PTPRN: variants seen among roughly 807,000 people sequenced by gnomAD.
PTPRN encodes receptor-type tyrosine-protein phosphatase-like N.
A neutral mutation model predicts 108.5 loss-of-function variants in PTPRN; 70 were observed. The observed-to-expected ratio is 0.65, with a 90% CI of 0.53 to 0.79. PTPRN has a LOEUF of 0.79. Ranked by LOEUF, PTPRN falls within the 30% of genes least tolerant of loss-of-function variation. The probability of loss-of-function intolerance (pLI) is 0.00; values close to 1 mark genes in which losing one functional copy is unlikely to be tolerated. For synonymous variants in PTPRN, 496 were observed against 524.6 expected (o/e 0.95, Z 0.75); for missense variants, 1,136 against 1,295.5 (o/e 0.88, Z 1.89).
In PTPRN at chr2:219,297,145, C is replaced by T. The variant is rs1300407011; in HGVS notation, c.2089-13G>A. 6.2e-7 allele frequency: 1 copy of T among 1,613,392 alleles called. No homozygotes were observed. Among genetic ancestry groups the T allele is most frequent in the African/African-American group, 1.3e-5 (1 of 74,962 alleles). ...CCTCCATGTATGCCTGTGGGGGCAC[C>T]ACGGTCTGGCTCTGGCCCACACAGC... On this transcript the variant is annotated splice_polypyrimidine_tract_variant and intron_variant, in intron 14 of 22. Coordinates refer to ENST00000295718, the MANE Select transcript of PTPRN (RefSeq NM_002846.4). This position sits in a 1 kb window ranked among gnomAD's most constrained non-coding sequence, Gnocchi z 6.0.
At position 219,296,133 on chromosome 2, in the gene PTPRN, G is replaced by A. The variant is rs1952188194; in HGVS notation, c.2508+93C>T. On this transcript the variant is annotated intron_variant, in intron 18 of 22. Coordinates refer to ENST00000295718, the MANE Select transcript of PTPRN (RefSeq NM_002846.4). This position sits in a 1 kb window ranked among gnomAD's most constrained non-coding sequence, Gnocchi z 6.0. ...CAATAAAAGCCTTTTTAAAAAGACT[G>A]TTGAGTGCTCATTTGGTGAAGAAAA... The A allele has an allele frequency of 6.4e-7, 1 of 1,567,132 alleles. No individual in the cohort carries two copies. The highest frequency in any genetic ancestry group is 8.7e-7 in the Non-Finnish European group (1 of 1,143,004).
At chr2:219,299,621 C>A in intron 10 of PTPRN, 79 bp downstream of exon 10, 2 of 1,392,282 alleles carry the variant, frequency 1.4e-6, no homozygotes, top group Non-Finnish European at 2.0e-6. Flanking sequence ...CTCTTCCTCC[C>A]GCAGGCCCCT....
In PTPRN at chr2:219,290,778, C is replaced by T. The variant is rs779260975; in HGVS notation, c.2794+48G>A. The T allele has an allele frequency of 7.6e-6, 12 of 1,586,848 alleles. No individual in the cohort carries two copies. Among genetic ancestry groups the T allele is most frequent in the South Asian group, 1.1e-5 (1 of 90,456 alleles). ...CCCAGGACCCTGTGTGCTGGGGAGC[C>T]TCTAAAAAGGGCCTGGGGGCTGCGG... is the stretch of plus-strand genomic sequence containing the variant. On this transcript the variant is annotated intron_variant, in intron 21 of 22. Coordinates refer to ENST00000295718, the MANE Select transcript of PTPRN (RefSeq NM_002846.4). The surrounding 1 kb of genome is among the most constrained non-coding windows in gnomAD (Gnocchi z 4.2).
Position 219,296,182 on chromosome 2 carries a change from C to T in PTPRN, c.2508+44G>A, listed in dbSNP as rs776692456. 1 of 1,606,966 alleles carries T rather than the reference C, an allele frequency of 6.2e-7. No homozygotes were observed. The highest frequency in any genetic ancestry group is 1.7e-5 in the Admixed American group (1 of 59,884). Reference sequence around the variant, plus strand: ...AACGTTACGAAAAGGCCATCATCTACTCTTCCCACATCCATTGTCCCCTTG... The same window carrying T: ...AACGTTACGAAAAGGCCATCATCTATTCTTCCCACATCCATTGTCCCCTTG... On this transcript the variant is annotated intron_variant, in intron 18 of 22. Coordinates refer to ENST00000295718, the MANE Select transcript of PTPRN (RefSeq NM_002846.4). The surrounding 1 kb of genome is among the most constrained non-coding windows in gnomAD (Gnocchi z 6.0).
At chr2:219,299,484 G>C in intron 10 of PTPRN, 100 bp from the exon 11 acceptor site, 3 of 1,384,190 alleles carry the variant, frequency 2.2e-6, no homozygotes, top group Non-Finnish European at 2.0e-6. Context: ...GATGGGGCTG[G>C]AGCAGATCGG....
Position 219,291,565 on chromosome 2 carries a change from G to A in PTPRN, c.2676-42C>T, listed in dbSNP as rs1467852497. ...GTGTGAGGGCCAGTGGGCACCAGCA[G>A]AGAGGGAAAGGGAAGCTGAAACACA... On this transcript the variant is annotated intron_variant, in intron 19 of 22. Coordinates refer to ENST00000295718, the MANE Select transcript of PTPRN (RefSeq NM_002846.4). 6 of 1,586,334 alleles carry A rather than the reference G, an allele frequency of 3.8e-6. No homozygotes were observed. The South Asian group carries it at 6.6e-5, about 18-fold the overall frequency.
chr2:219,291,429 C>A (rs567843857), intron 20 of PTPRN, 41 bp downstream of exon 20: 1 of 1,601,410 alleles, frequency 6.2e-7, no homozygotes, highest in Non-Finnish European at 8.6e-7. Flanking sequence ...GAGACGCACA[C>A]AGGGAGTGGG....
chr2:219,304,194 A>G (rs1426708093), intron 3 of PTPRN: 33 of 159,750 alleles, frequency 2.1e-4, no homozygotes, highest in Admixed American at 2.0e-3. Context: ...AGTGCCTGTC[A>G]TGTAGTGAAC....
In PTPRN at chr2:219,290,933, G is replaced by GA; in HGVS notation, c.2730-44dup. On this transcript the variant is annotated intron_variant, in intron 20 of 22. Coordinates refer to ENST00000295718, the MANE Select transcript of PTPRN (RefSeq NM_002846.4). This position sits in a 1 kb window ranked among gnomAD's most constrained non-coding sequence, Gnocchi z 4.2. ...GACAGGTTTAGCTTGAGATGCAGCA[G>GA]AAAGGGGGAGGGACGGAGGAGGCGA... The GA allele has an allele frequency of 6.3e-7, 1 of 1,589,564 alleles. No individual in the cohort carries two copies. Among genetic ancestry groups the GA allele is most frequent in the East Asian group, 2.2e-5 (1 of 44,736 alleles).
At chr2:219,304,137 T>G (rs1952425962) in intron 3 of PTPRN, 1 of 222,952 alleles carries the variant, frequency 4.5e-6, no homozygotes, top group African/African-American at 2.3e-5. Flanking sequence ...CTCCTAGGAT[T>G]GTTATTATCA....
At position 219,301,808 on chromosome 2, in the gene PTPRN, C is replaced by G. The variant is rs569772982; in HGVS notation, c.995-89G>C. 3.9e-5 allele frequency: 56 copies of G among 1,442,628 alleles called. No individual in the cohort carries two copies. The African/African-American group carries it at 4.7e-4, about 12-fold the overall frequency. 89.4% of individuals were successfully genotyped at this position (1,442,628 alleles called of 1,614,324 possible). The stretch of plus-strand genomic sequence containing the variant: ...GTGAGTGAGGGTGGGAAGGGACTAG[C>G]ATGTTAAGAGAGTCTTCCCAGACAC... On this transcript the variant is annotated intron_variant, in intron 6 of 22. Coordinates refer to ENST00000295718, the MANE Select transcript of PTPRN (RefSeq NM_002846.4).
At position 219,301,730 on chromosome 2, in the gene PTPRN, C is replaced by G. The variant is rs752416215; in HGVS notation, c.995-11G>C. On this transcript the variant is annotated splice_polypyrimidine_tract_variant and intron_variant, in intron 6 of 22. Transcript: ENST00000295718. ...TCTGCAGAGCCGCATCTGCTGGGAG[C>G]CAGACACAGAGCTTAGGGCTGATTG... 6.2e-7 allele frequency: 1 copy of G among 1,603,438 alleles called. No homozygotes were observed. Among genetic ancestry groups the G allele is most frequent in the Admixed American group, 1.7e-5 (1 of 59,584 alleles).
chr2:219,295,975 GACACACACAC>G (rs58673887), intron 18 of PTPRN: 2 of 423,238 alleles, frequency 4.7e-6, no homozygotes, highest in East Asian at 4.4e-5. Flanking sequence ...CTCTAGACAG[GACACACACAC>G]ACACACACAC....
At chr2:219,308,424 ACCTGAGC>A (rs889948476) in intron 1 of PTPRN, 12 of 189,634 alleles carry the variant, frequency 6.3e-5, no homozygotes, top group African/African-American at 2.8e-4. Flanking sequence ...TCTCCACTAG[ACCTGAGC>A]CCTCTGTTGT....
intron 3 of PTPRN, among the ~76,000 whole-genome samples, chr2:219,304,758 C>T (rs1209004092): frequency 1.3e-5 from 2 of 152,238 alleles, no homozygotes; most frequent in East Asian, 3.8e-4. Context: ...GCAATTCTCT[C>T]TTCTTTCCTA....
intron 19 of PTPRN, 63 bp downstream of exon 19, chr2:219,294,912 C>G (rs1952145859): frequency 1.5e-6 from 2 of 1,365,742 alleles, no homozygotes; most frequent in Admixed American, 3.8e-5. Context: ...GGCCGAGCGG[C>G]GGGCGGACCC....
chr2:219,294,210 GAA>G lies in PTPRN; in HGVS notation c.2675+763_2675+764del, dbSNP rs776224848. On this transcript the variant is annotated intron_variant, in intron 19 of 22. Transcript: ENST00000295718. The stretch of plus-strand genomic sequence containing the variant: ...CACTGGCAGCTGTGAGGGAGAGAGA[GAA>G]AGAGGGAAGAAGGGAGAGGGAAGGA... 3 of 475,814 alleles carry G rather than the reference GAA, an allele frequency of 6.3e-6. No homozygotes were observed. The Admixed American group carries it at 6.9e-5, about 11-fold the overall frequency. The allele number at this position is 475,814 out of a possible 1,614,324, so 29.5% of individuals were successfully genotyped here.
chr2:219,307,510 G>GGGGCC lies in PTPRN; in HGVS notation c.209_213dup (p.Leu72GlyfsTer36). On this transcript the variant is annotated frameshift_variant, in exon 3 of 23. Transcript: ENST00000295718. LOFTEE classifies it high-confidence loss of function. Reference sequence around the variant, plus strand: ...AGAACTGGGGAGGTGACTTGCAAAAGGGGCCGGGCCTGCCCCACTCCCACC... The same window carrying GGGGCC: ...AGAACTGGGGAGGTGACTTGCAAAAGGGGCCGGGCCGGGCCTGCCCCACTCCCACC... 6.2e-7 allele frequency: 1 copy of GGGGCC among 1,614,166 alleles called. No individual in the cohort carries two copies. The highest frequency in any genetic ancestry group is 8.5e-7 in the Non-Finnish European group (1 of 1,180,024).
chr2:219,301,067 C>T, intron 7 of PTPRN, 90 bp from the exon 8 acceptor site: 2 of 1,301,192 alleles, frequency 1.5e-6, no homozygotes, highest in Non-Finnish European at 2.2e-6. Flanking sequence ...AGACCCTGAG[C>T]CTGGAACATT....
Sources: allele counts gnomAD v4.1 joint callset (sites outside exome capture counted in the v4.1 genomes callset), GRCh38; gene constraint gnomAD v4.1.1; non-coding constraint Gnocchi (gnomAD v3.1); transcripts MANE v1.5; gene names NCBI Gene and HGNC (gene_info 2026-07-23, HGNC 2026-07-21).